P2RX2: variants seen among roughly 807,000 people sequenced by gnomAD.
P2RX2 encodes purinergic receptor P2X 2, also known as P2X purinoceptor 2.
In P2RX2, 50 loss-of-function variants were observed where a neutral mutation model predicts 54.8. The ratio of observed to expected loss-of-function variants is 0.91; its 90% confidence interval spans 0.73 to 1.15. The LOEUF is 1.15. P2RX2 is among the 50% of genes most tolerant of loss of function. P2RX2 has a pLI of 0.00. For synonymous variants in P2RX2, 289 were observed against 259.4 expected (o/e 1.11, Z -1.09); for missense variants, 658 against 633.2 (o/e 1.04, Z -0.42).
rs575207648 is a variant in P2RX2, at chr12:132,620,116, T to C, written c.554+20T>C. 126 of 1,548,282 alleles carry C rather than the reference T, an allele frequency of 8.1e-5. 1 individual carries two copies. The Admixed American group carries it at 2.2e-3, about 27-fold the overall frequency. Reference sequence around the variant, plus strand: ...TGTCAGGTGCACCTGCGCCCCGGCCTGGGGCCCAGCCTCCCCTCTGATCCT... The same window carrying C: ...TGTCAGGTGCACCTGCGCCCCGGCCCGGGGCCCAGCCTCCCCTCTGATCCT... On this transcript the variant is annotated intron_variant, in intron 5 of 10. Coordinates refer to ENST00000643471, the MANE Select transcript of P2RX2 (RefSeq NM_170682.4).
intron 8 of P2RX2, 60 bp downstream of exon 8, chr12:132,621,191 C>A: frequency 1.9e-6 from 3 of 1,613,820 alleles, no homozygotes; most frequent in Non-Finnish European, 2.5e-6. Context: ...TCCCGAGAGG[C>A]CCAATGCCTG....
At position 132,621,718 on chromosome 12, in the gene P2RX2, T is replaced by C. The variant is rs553849528; in HGVS notation, c.1162T>C (p.Ser388Pro). 3 of 1,612,838 alleles carry C rather than the reference T, an allele frequency of 1.9e-6. No individual in the cohort carries two copies. In the South Asian group the frequency reaches 3.3e-5, roughly 18 times the overall value. ...FDKVCTPSHP[S>P]GSWPVTLARV... ...CAAGGTGTGTACGCCGAGCCACCCC[T>C]CAGGTAGCTGGCCTGTGACCCTTGC... The change falls in exon 11 of 11, where the codon TCA becomes CCA. Residue 388 changes from serine (S) to proline (P), a missense_variant. Coordinates refer to ENST00000643471, the MANE Select transcript of P2RX2 (RefSeq NM_170682.4).
chr12:132,620,654 G>A, intron 7 of P2RX2, 71 bp downstream of exon 7: 1 of 1,511,112 alleles, frequency 6.6e-7, no homozygotes, highest in Non-Finnish European at 9.0e-7. Flanking sequence ...GGGGTACAGG[G>A]GACCAGTCCC....
At chr12:132,619,619 T>G in intron 2 of P2RX2, 45 bp downstream of exon 2, 1 of 1,538,398 alleles carries the variant, frequency 6.5e-7, no homozygotes, top group Non-Finnish European at 8.9e-7. Flanking sequence ...CACCCTACCC[T>G]AGTGGGCGGA....
In P2RX2 at chr12:132,619,431, GC is replaced by G. The variant is rs2041540964; in HGVS notation, c.174-5del. 3 of 1,611,446 alleles carry G rather than the reference GC, an allele frequency of 1.9e-6. No individual in the cohort carries two copies. ...CGCCTCCGGAGCCGGCGCCGCCCCT[GC>G]CCGCAGGTACGTATTCATCGTGCAG... On this transcript the variant is annotated splice_polypyrimidine_tract_variant and splice_region_variant and intron_variant, in intron 1 of 10. Transcript: ENST00000643471.
chr12:132,619,324 G>T, intron 1 of P2RX2, 115 bp from the exon 2 acceptor site: 2 of 1,158,766 alleles, frequency 1.7e-6, no homozygotes, highest in Non-Finnish European at 2.4e-6. Context: ...CGCGGGGCAG[G>T]CCCCAAGAGC....
chr12:132,620,679 C>G (rs1428940818), intron 7 of P2RX2, 96 bp downstream of exon 7: 1 of 1,347,572 alleles, frequency 7.4e-7, no homozygotes, highest in African/African-American at 1.5e-5. Context: ...CCCTCCTGAC[C>G]AGCTGGCCCC....
intron 9 of P2RX2, 40 bp downstream of exon 9, chr12:132,621,385 G>A (rs2041674916): frequency 5.0e-6 from 8 of 1,612,652 alleles, no homozygotes; most frequent in Non-Finnish European, 5.9e-6. Flanking sequence ...AGCCCTGCTA[G>A]CCTGGGTCTG....
In P2RX2 at chr12:132,621,426, C is replaced by T. The variant is rs377522604; in HGVS notation, c.997-49C>T. ...CTCACGCCCCACCCCTCCCTTAAGC[C>T]CCATCAGACGCCGTCAGACATTCTG... is the stretch of plus-strand genomic sequence containing the variant. On this transcript the variant is annotated intron_variant, in intron 9 of 10. Transcript: ENST00000643471. 3.4e-5 allele frequency: 54 copies of T among 1,593,638 alleles called. No homozygotes were observed. In the African/African-American group the frequency reaches 6.7e-4, roughly 20 times the overall value.
chr12:132,621,519 A>G lies in P2RX2; in HGVS notation c.1041A>G (p.Thr347=), dbSNP rs930667299. The G allele has an allele frequency of 1.3e-6, 2 of 1,566,588 alleles. No homozygotes were observed. The highest frequency in any genetic ancestry group is 2.7e-5 in the African/African-American group (2 of 73,602). The change falls in exon 10 of 11, where the codon ACA becomes ACG. Residue 347 remains threonine, a synonymous_variant. Coordinates refer to ENST00000643471, the MANE Select transcript of P2RX2 (RefSeq NM_170682.4). ...SLIPTIINLA[T]ALTSVGVGSF... is the part of the protein sequence containing the mutation. ...TTCCCACCATTATTAATCTGGCCAC[A>G]GCTCTGACTTCCGTCGGGGTGGTAA...
Position 132,619,782 on chromosome 12 carries a change from G to T in P2RX2, c.381+32G>T, listed in dbSNP as rs1232871665. 12 of 1,609,936 alleles carry T rather than the reference G, an allele frequency of 7.5e-6. No individual in the cohort carries two copies. The Middle Eastern group carries it at 6.6e-4, about 89-fold the overall frequency. The stretch of plus-strand genomic sequence containing the variant: ...GGATCCCGCGGCGCTGGGGGACCCC[G>T]CCTCAGCTAGGCGGGCCAGCTGTCC... On this transcript the variant is annotated intron_variant, in intron 3 of 10. Transcript: ENST00000643471.
At chr12:132,619,951 G>C in intron 4 of P2RX2, 32 bp downstream of exon 4, 1 of 1,574,022 alleles carries the variant, frequency 6.4e-7, no homozygotes, top group Non-Finnish European at 8.6e-7. Flanking sequence ...CTGGGCGGGT[G>C]GGGCAGGGCT....
Position 132,621,235 on chromosome 12 carries a change from C to T in P2RX2, c.906-20C>T, listed in dbSNP as rs2041664178. 1.9e-6 allele frequency: 3 copies of T among 1,613,752 alleles called. No homozygotes were observed. The highest frequency in any genetic ancestry group is 2.5e-6 in the Non-Finnish European group (3 of 1,179,900). On this transcript the variant is annotated intron_variant, in intron 8 of 10. Coordinates refer to ENST00000643471, the MANE Select transcript of P2RX2 (RefSeq NM_170682.4). The stretch of plus-strand genomic sequence containing the variant: ...CCCTGGAGTGCAGAGGACGAGTGGG[C>T]ACTGGCGTTCCCATTGCAGGTTTGC...
rs202099523 is a variant in P2RX2, at chr12:132,620,482, C to T, written c.673C>T (p.Arg225Cys). 4 of 1,614,042 alleles carry T rather than the reference C, an allele frequency of 2.5e-6. No homozygotes were observed. The highest frequency in any genetic ancestry group is 1.7e-5 in the Admixed American group (1 of 60,026). The change falls in exon 7 of 11, where the codon CGC (arginine) becomes TGC (cysteine). Residue 225 changes from arginine (R) to cysteine (C), a missense_variant. Physicochemically the swap from Arg to Cys is radical, Grantham distance 180 (BLOSUM62 -3). Transcript: ENST00000643471. ...IADRTDGYLK[R>C]CTFHEASDLY... Reference sequence around the variant, plus strand: ...CGACCGCACAGACGGGTACCTGAAGCGCTGCACGTTCCACGAGGCCTCCGA... The same window carrying T: ...CGACCGCACAGACGGGTACCTGAAGTGCTGCACGTTCCACGAGGCCTCCGA...
chr12:132,621,660 C>CAA lies in P2RX2; in HGVS notation c.1108_1109dup (p.Asn370LysfsTer25), dbSNP rs749401595. The CAA allele has an allele frequency of 6.2e-7, 1 of 1,613,630 alleles. No individual in the cohort carries two copies. Reference sequence around the variant, plus strand: ...ACTGGATCTTGCTAACATTCATGAACAAAAACAAGGTCTACAGCCATAAGA... The same window carrying CAA: ...ACTGGATCTTGCTAACATTCATGAACAAAAAAACAAGGTCTACAGCCATAAGA... On this transcript the variant is annotated frameshift_variant, in exon 11 of 11. Transcript: ENST00000643471. LOFTEE classifies it high-confidence loss of function.
rs755133605 is a variant in P2RX2 at position 132,621,343 on chromosome 12, C to T, written c.994C>T (p.Gln332Ter). ...GIRIDVIVHG[Q>*]AGKFSLIPTI... ...CCGCATTGACGTCATTGTGCATGGA[C>T]AGGTGCCTGCACCTGCTGGGGGTGG... Residue 332 changes from glutamine to a stop codon, truncating the protein, a stop_gained and splice_region_variant, in exon 9 of 11, where the codon CAG (glutamine) becomes TAG (stop). Coordinates refer to ENST00000643471, the MANE Select transcript of P2RX2 (RefSeq NM_170682.4). LOFTEE classifies it high-confidence loss of function. 1 of 1,613,992 alleles carries T rather than the reference C, an allele frequency of 6.2e-7. No individual in the cohort carries two copies. Among genetic ancestry groups the T allele is most frequent in the South Asian group, 1.1e-5 (1 of 91,078 alleles).
Position 132,620,362 on chromosome 12 carries a change from G to A in P2RX2, c.635+15G>A. The stretch of plus-strand genomic sequence containing the variant: ...CACTTCTCCAAGTAAGAGCCGCGGG[G>A]TGTGGTGACGGCCCAGCCTGAGGGC... On this transcript the variant is annotated intron_variant, in intron 6 of 10. Transcript: ENST00000643471. The A allele has an allele frequency of 6.2e-7, 1 of 1,613,830 alleles. No homozygotes were observed. The highest frequency in any genetic ancestry group is 8.5e-7 in the Non-Finnish European group (1 of 1,179,698).
At position 132,621,335 on chromosome 12, in the gene P2RX2, T is replaced by C. The variant is rs756566127; in HGVS notation, c.986T>C (p.Val329Ala). 6.8e-6 allele frequency: 11 copies of C among 1,613,908 alleles called. No homozygotes were observed. The highest frequency in any genetic ancestry group is 9.3e-6 in the Non-Finnish European group (11 of 1,180,000). ...TACGGGATCCGCATTGACGTCATTGTGCATGGACAGGTGCCTGCACCTGCT... is the reference window on the plus strand; with the variant it reads ...TACGGGATCCGCATTGACGTCATTGCGCATGGACAGGTGCCTGCACCTGCT... The part of the protein sequence containing the change: ...KAYGIRIDVI[V>A]HGQAGKFSLI... Residue 329 changes from valine (V) to alanine (A), a missense_variant, in exon 9 of 11, where the codon GTG becomes GCG. Physicochemically the swap from Val to Ala is moderately conservative, Grantham distance 64 (BLOSUM62 0). Transcript: ENST00000643471.
At position 132,622,312 on chromosome 12, in the gene P2RX2, CGTT is replaced by C. The variant is rs1254871176; in HGVS notation, c.*343_*345del. ...ACCCCACCCCACCCCACCCCACAGG[CGTT>C]GTAACCTTGAATCTGCCCAGACTCT... is the stretch of plus-strand genomic sequence containing the variant. On this transcript the variant is annotated 3_prime_UTR_variant, in exon 11 of 11. Coordinates refer to ENST00000643471, the MANE Select transcript of P2RX2 (RefSeq NM_170682.4). The C allele has an allele frequency of 6.2e-6, 6 of 966,560 alleles. No individual in the cohort carries two copies. Among genetic ancestry groups the C allele is most frequent in the Non-Finnish European group, 6.8e-6 (5 of 735,328 alleles). 59.9% of individuals were successfully genotyped at this position (966,560 alleles called of 1,614,324 possible). A position where few individuals can be genotyped will look rare whatever the true frequency, so the allele number is the denominator to read the frequency against.
Sources: gnomAD v4.1 joint callset for allele counts on GRCh38, gnomAD v4.1.1 for gene constraint, MANE v1.5 for transcripts, NCBI Gene and HGNC (gene_info 2026-07-23, HGNC 2026-07-21) for gene names.